CNGB3: variants seen among roughly 807,000 people sequenced by gnomAD.
The protein encoded by CNGB3 is cyclic nucleotide-gated channel beta-3.
Under a neutral mutation model 92.8 loss-of-function variants are expected in CNGB3, and 86 were observed. The ratio of observed to expected loss-of-function variants is 0.93; its 90% CI spans 0.78 to 1.11. The LOEUF (loss-of-function observed/expected upper bound fraction) is 1.11, where lower values mean the gene tolerates loss of function less well. CNGB3 is among the 50% of genes least tolerant of loss of function. The pLI, the probability that CNGB3 is intolerant of heterozygous loss-of-function variation, is 0.00. For synonymous variants in CNGB3, 333 were observed against 332.7 expected (o/e 1.00, Z -0.01); for missense variants, 1,026 against 956.8 (o/e 1.07, Z -0.95).
At chr8:86,713,995 C>T (rs566567572) in intron 3 of CNGB3, among the ~76,000 whole-genome samples, 9 of 152,232 alleles carry the variant, frequency 5.9e-5, no homozygotes, top group East Asian at 1.9e-4. Context: ...ACCTTTGTGA[C>T]AATCGGTACA....
At chr8:86,720,839 T>TACAC (rs4024071) in intron 3 of CNGB3, among the ~76,000 whole-genome samples, 8,794 of 129,074 alleles carry the variant, frequency 0.068, 436 homozygotes, top group South Asian at 0.1. Context: ...TATATATGTA[T>TACAC]ACACACACAC....
At chr8:86,656,121 T>C (rs1823501986) in intron 6 of CNGB3, among the ~76,000 whole-genome samples, 1 of 152,212 alleles carries the variant, frequency 6.6e-6, no homozygotes, top group South Asian at 2.1e-4. Flanking sequence ...GCTCATTTAA[T>C]GATTTTTACT....
chr8:86,687,539 G>A (rs1430745092), intron 3 of CNGB3, among the ~76,000 whole-genome samples: 1 of 152,038 alleles, frequency 6.6e-6, no homozygotes, highest in Non-Finnish European at 1.5e-5. Flanking sequence ...GAGGAGCAGA[G>A]AATAGGGAGA....
chr8:86,697,089 A>G (rs1021476128), intron 3 of CNGB3, among the ~76,000 whole-genome samples: 2 of 152,190 alleles, frequency 1.3e-5, no homozygotes, highest in African/African-American at 4.8e-5. Context: ...CCAGAAAGCA[A>G]ATAACAAACT....
At position 86,666,988 on chromosome 8, in the gene CNGB3, G is replaced by A; in HGVS notation, c.789C>T (p.Ile263=). Residue 263 remains isoleucine, a synonymous_variant, in exon 6 of 18, where the codon ATC becomes ATT. Transcript: ENST00000320005. The part of the protein sequence containing the change: ...WLIADIICDI[I]YLYDMLFIQP... ...GGATAAATAGCATATCATAAAGGTA[G>A]ATGATATCACATATGATGTCCGCAA... is the stretch of plus-strand genomic sequence containing the variant. 6.2e-7 allele frequency: 1 copy of A among 1,613,678 alleles called. No individual in the cohort carries two copies. Among genetic ancestry groups the A allele is most frequent in the Non-Finnish European group, 8.5e-7 (1 of 1,179,912 alleles).
chr8:86,600,501 C>A (rs190371274), intron 15 of CNGB3, among the ~76,000 whole-genome samples: 1 of 152,110 alleles, frequency 6.6e-6, no homozygotes, highest in East Asian at 1.9e-4. Flanking sequence ...AGAGCTGTTG[C>A]AAATTATTTT....
intron 14 of CNGB3, among the ~76,000 whole-genome samples, chr8:86,605,168 G>T (rs1367955004): frequency 6.6e-6 from 1 of 151,990 alleles, no homozygotes; most frequent in East Asian, 1.9e-4. Context: ...TGCTATTCTT[G>T]CATTTTATCC....
rs77346900 is a variant in CNGB3, at chr8:86,680,650, A to T, written c.339-9552T>A. On this transcript the variant is annotated intron_variant, in intron 3 of 17. Coordinates refer to ENST00000320005, the MANE Select transcript of CNGB3 (RefSeq NM_019098.5). ...AGCTGTATCTTAGCAGGATGGCAAC[A>T]ATCAAAAGGAATGGGGGACTCTATG... is the stretch of plus-strand genomic sequence containing the variant. 3.3e-5 allele frequency among the ~76,000 whole-genome samples: 5 copies of T among 152,302 alleles called. No homozygotes were observed. In the East Asian group the frequency reaches 9.6e-4, roughly 29 times the overall value.
intron 3 of CNGB3, among the ~76,000 whole-genome samples, chr8:86,694,865 A>G (rs1428934607): frequency 2.7e-5 from 4 of 146,982 alleles, no homozygotes; most frequent in East Asian, 2.1e-4. Context: ...ATGGGCGGCC[A>G]GGCAGAGACT....
intron 7 of CNGB3, among the ~76,000 whole-genome samples, chr8:86,652,904 G>A (rs1489542966): frequency 7.2e-5 from 11 of 152,056 alleles, no homozygotes; most frequent in Admixed American, 4.6e-4. Context: ...GTTGTTTATT[G>A]CCATTATCCC....
intron 15 of CNGB3, among the ~76,000 whole-genome samples, chr8:86,591,797 G>T (rs1822044656): frequency 6.6e-6 from 1 of 152,178 alleles, no homozygotes; most frequent in African/African-American, 2.4e-5. Flanking sequence ...CTTTTTGTTT[G>T]TCTGTGCCCT....
chr8:86,682,857 C>T lies in CNGB3; in HGVS notation c.339-11759G>A, dbSNP rs1040797909. On this transcript the variant is annotated intron_variant, in intron 3 of 17. Transcript: ENST00000320005. The stretch of plus-strand genomic sequence containing the variant: ...ATAAACAGAAATGTGGAGTAAGGTC[C>T]TGCTTCTGCACATTGGGATTCAGGA... Among the ~76,000 whole-genome samples, 7 of 152,200 alleles carry T rather than the reference C, an allele frequency of 4.6e-5. No individual in the cohort carries two copies. In the South Asian group the frequency reaches 1.5e-3, roughly 32 times the overall value.
intron 3 of CNGB3, among the ~76,000 whole-genome samples, chr8:86,686,015 T>A (rs1044677935): frequency 2.6e-5 from 4 of 152,032 alleles, no homozygotes; most frequent in African/African-American, 9.7e-5. Context: ...AATGTATTAA[T>A]AATAAACCAT....
chr8:86,641,593 T>C (rs373482810), intron 10 of CNGB3, among the ~76,000 whole-genome samples: 17 of 152,032 alleles, frequency 1.1e-4, no homozygotes, highest in African/African-American at 3.6e-4. Flanking sequence ...TATCTTTGTG[T>C]CTTTTTTTGG....
In CNGB3 at chr8:86,632,777, A is replaced by G; in HGVS notation, c.1295T>C (p.Phe432Ser). Residue 432 changes from phenylalanine to serine, a missense_variant, in exon 11 of 18, where the codon TTT becomes TCT. Physicochemically the swap from Phe to Ser is radical, Grantham distance 155. Coordinates refer to ENST00000320005, the MANE Select transcript of CNGB3 (RefSeq NM_019098.5). ...CTGACCAATTAAACTGGAGAACACA[A>G]AAACTCCAGAAAAAAAATTCAAGAG... ...FQLLNFFSGV[F>S]VFSSLIGQMR... The G allele has an allele frequency of 1.2e-6, 2 of 1,613,144 alleles. No individual in the cohort carries two copies. Among genetic ancestry groups the G allele is most frequent in the South Asian group, 1.1e-5 (1 of 91,042 alleles).
chr8:86,728,353 TA>T (rs1354620307), intron 2 of CNGB3, among the ~76,000 whole-genome samples: 1 of 151,786 alleles, frequency 6.6e-6, no homozygotes, highest in Non-Finnish European at 1.5e-5. Flanking sequence ...GATTTCAGAG[TA>T]AAAAAAATTG....
intron 7 of CNGB3, among the ~76,000 whole-genome samples, chr8:86,651,012 C>G (rs1823392285): frequency 6.6e-6 from 1 of 151,752 alleles, no homozygotes; most frequent in African/African-American, 2.4e-5. Flanking sequence ...TTTGCAGCAA[C>G]TTGGATGGAG....
At chr8:86,631,605 GA>G (rs1033494455) in intron 11 of CNGB3, among the ~76,000 whole-genome samples, 3 of 151,966 alleles carry the variant, frequency 2.0e-5, no homozygotes, top group African/African-American at 7.2e-5. Context: ...TATTCAAATG[GA>G]TTTGAATTTA....
chr8:86,725,055 A>T (rs1825037170), intron 3 of CNGB3, among the ~76,000 whole-genome samples: 1 of 152,208 alleles, frequency 6.6e-6, no homozygotes, highest in African/African-American at 2.4e-5. Flanking sequence ...AGTGTAAGAA[A>T]TACTAGGAAT....
Sources: allele counts gnomAD v4.1 joint callset (sites outside exome capture counted in the v4.1 genomes callset), GRCh38; gene constraint gnomAD v4.1.1; transcripts MANE v1.5; gene names NCBI Gene and HGNC (gene_info 2026-07-23, HGNC 2026-07-21).